MSRA: variants seen among roughly 807,000 people sequenced by gnomAD.
The protein encoded by MSRA is mitochondrial peptide methionine sulfoxide reductase.
Under a neutral mutation model 31.3 loss-of-function variants are expected in MSRA, and 54 were observed. That is an observed-to-expected ratio of 1.73 (90% CI 1.39 to 2.17). MSRA has a LOEUF of 2.17. Among genes scored for constraint, MSRA ranks in the 30% most tolerant of loss-of-function variants. The pLI is 0.00. For missense variants in MSRA, 507 were observed against 300.9 expected (o/e 1.69, Z -5.07); for synonymous variants, 169 against 116.5 (o/e 1.45, Z -2.90).
At chr8:10,223,428 A>C (rs375377412) in intron 2 of MSRA, among the ~76,000 whole-genome samples, 1 of 152,210 alleles carries the variant, frequency 6.6e-6, no homozygotes, top group East Asian at 1.9e-4. Flanking sequence ...GTACATCAGC[A>C]TTTGCGTCTA....
intron 5 of MSRA, among the ~76,000 whole-genome samples, chr8:10,407,696 A>G (rs1480676487): frequency 6.6e-6 from 1 of 152,124 alleles, no homozygotes; most frequent in African/African-American, 2.4e-5. Context: ...AGAGAAGAGA[A>G]GACTCTGGAT....
At chr8:10,350,067 A>G (rs1804030812) in intron 5 of MSRA, among the ~76,000 whole-genome samples, 1 of 152,240 alleles carries the variant, frequency 6.6e-6, no homozygotes, top group Non-Finnish European at 1.5e-5. Flanking sequence ...ATTGTACTTG[A>G]AACTTTCCAT....
At chr8:10,260,493 C>T (rs1344845151) in intron 3 of MSRA, among the ~76,000 whole-genome samples, 1 of 152,176 alleles carries the variant, frequency 6.6e-6, no homozygotes, top group African/African-American at 2.4e-5. Context: ...GCAGAGTTGA[C>T]AGGCACAGAT....
intron 5 of MSRA, among the ~76,000 whole-genome samples, chr8:10,363,111 C>G (rs867578927): frequency 6.6e-6 from 1 of 152,196 alleles, no homozygotes; most frequent in African/African-American, 2.4e-5. Context: ...CCAGAAATGT[C>G]CACTCTTCTA....
chr8:10,183,293 G>A lies in MSRA; in HGVS notation c.143-24540G>A, dbSNP rs1312699071. ...CTTAGTTAGGCTTAGGACCAAGGCT[G>A]TGTGAGAACCAACCGAAGACAGACC... is the stretch of plus-strand genomic sequence containing the variant. On this transcript the variant is annotated intron_variant, in intron 1 of 5. Coordinates refer to ENST00000317173, the MANE Select transcript of MSRA (RefSeq NM_012331.5). Among the ~76,000 whole-genome samples, 5 of 152,212 alleles carry A rather than the reference G, an allele frequency of 3.3e-5. No homozygotes were observed. The East Asian group carries it at 9.6e-4, about 29-fold the overall frequency.
intron 5 of MSRA, chr8:10,411,044 C>T (rs570029742): frequency 6.6e-6 from 1 of 152,198 alleles, no homozygotes; most frequent in East Asian, 1.9e-4. Context: ...GACTGTACTT[C>T]ATTGCTAAGC....
intron 1 of MSRA, among the ~76,000 whole-genome samples, chr8:10,099,915 G>C (rs1799421876): frequency 6.6e-6 from 1 of 152,176 alleles, no homozygotes; most frequent in Non-Finnish European, 1.5e-5. Flanking sequence ...TGGTGGTGTG[G>C]CCTGAGCATG....
intron 1 of MSRA, among the ~76,000 whole-genome samples, chr8:10,199,630 C>G (rs1458293931): frequency 1.3e-5 from 2 of 152,236 alleles, no homozygotes; most frequent in African/African-American, 2.4e-5. Context: ...CTTTGCCATC[C>G]TAGGCTTGTA....
At chr8:10,351,169 TTC>T (rs925235560) in intron 5 of MSRA, among the ~76,000 whole-genome samples, 8 of 151,970 alleles carry the variant, frequency 5.3e-5, no homozygotes, top group African/African-American at 1.9e-4. Context: ...CGCTCATCCA[TTC>T]GAGTGAAAAT....
At chr8:10,147,278 G>C (rs1470160983) in intron 1 of MSRA, among the ~76,000 whole-genome samples, 2 of 152,132 alleles carry the variant, frequency 1.3e-5, no homozygotes, top group Non-Finnish European at 2.9e-5. Flanking sequence ...ATCCATCCTG[G>C]AGCAAGATGG....
intron 1 of MSRA, among the ~76,000 whole-genome samples, chr8:10,162,593 G>T (rs917981062): frequency 2.6e-5 from 4 of 152,170 alleles, no homozygotes; most frequent in African/African-American, 7.2e-5. Context: ...CAGGGGGCCT[G>T]TCAAACTGTG....
chr8:10,298,272 A>C (rs766867786), intron 3 of MSRA, among the ~76,000 whole-genome samples: 1 of 152,174 alleles, frequency 6.6e-6, no homozygotes, highest in Admixed American at 6.5e-5. Context: ...AATACACCCA[A>C]TAGAATATTA....
intron 5 of MSRA, among the ~76,000 whole-genome samples, chr8:10,423,912 T>TTTTC (rs771598011): frequency 1.3e-5 from 2 of 152,140 alleles, no homozygotes; most frequent in Non-Finnish European, 2.9e-5. Flanking sequence ...CATTTTCTCA[T>TTTTC]TCATTCATTC....
chr8:10,340,112 A>C (rs1342087650), intron 5 of MSRA, among the ~76,000 whole-genome samples: 1 of 152,110 alleles, frequency 6.6e-6, no homozygotes, highest in Non-Finnish European at 1.5e-5. Context: ...AAGAGACGGC[A>C]AAGGAGAAGA....
chr8:10,104,703 A>G (rs1324620353), intron 1 of MSRA, among the ~76,000 whole-genome samples: 3 of 152,152 alleles, frequency 2.0e-5, no homozygotes, highest in East Asian at 1.9e-4. Flanking sequence ...TGTTGATATT[A>G]ATGCTGGCCT....
chr8:10,242,195 C>G (rs1037817716), intron 2 of MSRA, among the ~76,000 whole-genome samples: 4 of 151,522 alleles, frequency 2.6e-5, no homozygotes, highest in African/African-American at 9.7e-5. Context: ...TGCTTGAACC[C>G]GGGAGGTGGA....
At chr8:10,361,994 T>C (rs1342848028) in intron 5 of MSRA, among the ~76,000 whole-genome samples, 1 of 152,100 alleles carries the variant, frequency 6.6e-6, no homozygotes, top group African/African-American at 2.4e-5. Context: ...CTCTCTCTTG[T>C]CGTTGTTTCA....
chr8:10,144,198 G>A (rs1423214534), intron 1 of MSRA, among the ~76,000 whole-genome samples: 1 of 152,080 alleles, frequency 6.6e-6, no homozygotes, highest in Non-Finnish European at 1.5e-5. Context: ...TCTAGGTTAG[G>A]TGCATATCGC....
At chr8:10,345,881 C>G (rs930015905) in intron 5 of MSRA, among the ~76,000 whole-genome samples, 2 of 152,190 alleles carry the variant, frequency 1.3e-5, no homozygotes, top group Non-Finnish European at 2.9e-5. Flanking sequence ...TTACTCAAGT[C>G]TTTATTTAGT....
Sources: gnomAD v4.1 joint callset for allele counts (sites outside exome capture counted in the v4.1 genomes callset) on GRCh38, gnomAD v4.1.1 for gene constraint, MANE v1.5 for transcripts, NCBI Gene and HGNC (gene_info 2026-07-23, HGNC 2026-07-21) for gene names.